The following MDK variants were observed in gnomAD, a reference collection of about 807,000 sequenced individuals.
MDK encodes the protein amphiregulin-associated protein.
In MDK, 17 loss-of-function variants were observed where a neutral mutation model predicts 18.9. The observed-to-expected ratio is 0.90, with a 90% CI of 0.62 to 1.35. MDK has a LOEUF of 1.35. Among genes scored for constraint, MDK ranks in the 40% most tolerant of loss-of-function variants. MDK has a pLI of 0.00. For synonymous variants in MDK, 86 were observed against 74.3 expected (o/e 1.16, Z -0.81); for missense variants, 180 against 186.3 (o/e 0.97, Z 0.20).
Position 46,383,601 on chromosome 11 carries a change from GT to G in MDK, c.*109del. 1 of 1,007,460 alleles carries G rather than the reference GT, an allele frequency of 9.9e-7. No individual in the cohort carries two copies. Among genetic ancestry groups the G allele is most frequent in the Non-Finnish European group, 1.6e-6 (1 of 636,718 alleles). 62.4% of individuals were successfully genotyped at this position (1,007,460 alleles called of 1,614,324 possible). ...ACCCACCAGTGCCTTCTGTCTGCTCGTTAGCTTTAATCAATCATGCCCTGCC... is the reference window on the plus strand; with the variant it reads ...ACCCACCAGTGCCTTCTGTCTGCTCGTAGCTTTAATCAATCATGCCCTGCC... On this transcript the variant is annotated 3_prime_UTR_variant, in exon 5 of 5. Coordinates refer to ENST00000395566, the MANE Select transcript of MDK (RefSeq NM_002391.6).
rs1565102311 is a variant in MDK at position 46,383,472 on chromosome 11, AGAAAGG to A, written c.414_419del (p.Gly141_Lys142del). 6.3e-7 allele frequency: 1 copy of A among 1,594,846 alleles called. No individual in the cohort carries two copies. Among genetic ancestry groups the A allele is most frequent in the Non-Finnish European group, 8.5e-7 (1 of 1,169,938 alleles). ...ATATTTCTTTCTTGTTTTACAGCCAAGAAAGGGAAGGGAAAGGACTAGACGCCAAGC... is the reference window on the plus strand; with the variant it reads ...ATATTTCTTTCTTGTTTTACAGCCAAGAAGGGAAAGGACTAGACGCCAAGC... On this transcript the variant is annotated inframe_deletion, in exon 5 of 5. Transcript: ENST00000395566.
chr11:46,381,932 C>T, intron 1 of MDK, 125 bp from the exon 2 acceptor site: 1 of 1,025,340 alleles, frequency 9.8e-7, no homozygotes, highest in African/African-American at 1.6e-5. Context: ...CTTCCCACCG[C>T]CGCCACCTTA....
chr11:46,383,131 A>G, intron 4 of MDK: 1 of 415,076 alleles, frequency 2.4e-6, no homozygotes. Context: ...TGGGCCTCTC[A>G]GCTCACTCGT....
rs1460761942 is a variant in MDK at position 46,381,725 on chromosome 11, C to T, written c.-35C>T. The T allele has an allele frequency of 1.2e-5, 2 of 171,598 alleles. No homozygotes were observed. Among genetic ancestry groups the T allele is most frequent in the African/African-American group, 5.2e-5 (2 of 38,288 alleles). The allele number at this position is 171,598 out of a possible 1,614,324, so 10.6% of individuals were successfully genotyped here. A position where few individuals can be genotyped will look rare whatever the true frequency, so the allele number is the denominator to read the frequency against. On this transcript the variant is annotated 5_prime_UTR_variant, in exon 1 of 5. Transcript: ENST00000395566. ...CGGCCGGAGCGGGACGGGCCCGGCG[C>T]GGGAGGGAGCGAAGCAGCGCGGGCA... is the stretch of plus-strand genomic sequence containing the variant.
chr11:46,383,239 A>G (rs1488159407), intron 4 of MDK: 2 of 499,494 alleles, frequency 4.0e-6, no homozygotes, highest in Non-Finnish European at 7.2e-6. Flanking sequence ...CAGGACTAGG[A>G]CTGGAAACTT....
Position 46,382,661 on chromosome 11 carries a change from C to G in MDK, c.319C>G (p.Leu107Val), listed in dbSNP as rs1407629235. ...AGGCACCAAAGTCCGCCAAGGCACC[C>G]TGAAGAAGGCGCGCTACAATGCTCA... is the stretch of plus-strand genomic sequence containing the variant. ...GTGTKVRQGT[L>V]KKARYNAQCQ... is the part of the protein sequence containing the mutation. The change falls in exon 4 of 5, where the codon CTG becomes GTG. Residue 107 changes from leucine (L) to valine (V), a missense_variant. Transcript: ENST00000395566. 60 of 1,613,166 alleles carry G rather than the reference C, an allele frequency of 3.7e-5. No homozygotes were observed. Among genetic ancestry groups the G allele is most frequent in the Non-Finnish European group, 5.0e-5 (59 of 1,179,914 alleles).
At position 46,381,749 on chromosome 11, in the gene MDK, C is replaced by T; in HGVS notation, c.-11C>T. On this transcript the variant is annotated 5_prime_UTR_variant, in exon 1 of 5. Transcript: ENST00000395566. ...GCGGGAGGGAGCGAAGCAGCGCGGG[C>T]AGCGAGCGAGTGAGCGCGCGGCGGC... 4.3e-6 allele frequency: 1 copy of T among 234,282 alleles called. No individual in the cohort carries two copies. 14.5% of individuals were successfully genotyped at this position (234,282 alleles called of 1,614,324 possible).
intron 2 of MDK, 75 bp downstream of exon 2, chr11:46,382,208 G>A (rs1215966276): frequency 6.2e-7 from 1 of 1,605,098 alleles, no homozygotes; most frequent in Admixed American, 1.7e-5. Context: ...GGCCGCCTGG[G>A]TTCCTAGCCT....
Position 46,383,554 on chromosome 11 carries a change from C to A in MDK, c.*60C>A. 6.6e-7 allele frequency: 1 copy of A among 1,516,358 alleles called. No homozygotes were observed. The highest frequency in any genetic ancestry group is 9.2e-7 in the Non-Finnish European group (1 of 1,092,388). The allele number at this position is 1,516,358 out of a possible 1,614,324, so 93.9% of individuals were successfully genotyped here. On this transcript the variant is annotated 3_prime_UTR_variant, in exon 5 of 5. Transcript: ENST00000395566. ...CACATGGGGCCTGGCCCACGCCCTCCCTCTCCCAGGCCCGAGATGTGACCC... is the reference window on the plus strand; with the variant it reads ...CACATGGGGCCTGGCCCACGCCCTCACTCTCCCAGGCCCGAGATGTGACCC...
At position 46,383,771 on chromosome 11, in the gene MDK, C is replaced by G; in HGVS notation, c.*277C>G. ...TCCCCACAATTCCATTACTAAGAAACACATCAAATAAACTGACTTTTTCCC... is the reference window on the plus strand; with the variant it reads ...TCCCCACAATTCCATTACTAAGAAAGACATCAAATAAACTGACTTTTTCCC... On this transcript the variant is annotated 3_prime_UTR_variant, in exon 5 of 5. Transcript: ENST00000395566. 1 of 554,050 alleles carries G rather than the reference C, an allele frequency of 1.8e-6. No individual in the cohort carries two copies. The highest frequency in any genetic ancestry group is 3.3e-6 in the Non-Finnish European group (1 of 299,538). The allele number at this position is 554,050 out of a possible 1,614,324, so 34.3% of individuals were successfully genotyped here. A position where few individuals can be genotyped will look rare whatever the true frequency, so the allele number is the denominator to read the frequency against.
At chr11:46,382,914 C>T (rs751047712) in intron 4 of MDK, 166 bp downstream of exon 4, 2 of 805,190 alleles carry the variant, frequency 2.5e-6, no homozygotes, top group Admixed American at 4.9e-5. Flanking sequence ...TGAAGATGGG[C>T]ACTACAAGAG....
chr11:46,382,141 G>T lies in MDK; in HGVS notation c.76+8G>T. Reference sequence around the variant, plus strand: ...CGGTCGCCAAAAAGAAAGGTGATGGGGGATGATCGAAGGAGGGCTGGGGAC... The same window carrying T: ...CGGTCGCCAAAAAGAAAGGTGATGGTGGATGATCGAAGGAGGGCTGGGGAC... On this transcript the variant is annotated splice_region_variant and intron_variant, in intron 2 of 4. Coordinates refer to ENST00000395566, the MANE Select transcript of MDK (RefSeq NM_002391.6). 6.2e-7 allele frequency: 1 copy of T among 1,611,016 alleles called. No individual in the cohort carries two copies. The highest frequency in any genetic ancestry group is 8.5e-7 in the Non-Finnish European group (1 of 1,179,160).
Position 46,382,086 on chromosome 11 carries a change from CCCT to C in MDK, c.34_36del (p.Leu12del). The C allele has an allele frequency of 1.9e-6, 3 of 1,610,374 alleles. No individual in the cohort carries two copies. Among genetic ancestry groups the C allele is most frequent in the Non-Finnish European group, 2.5e-6 (3 of 1,178,958 alleles). On this transcript the variant is annotated inframe_deletion, in exon 2 of 5. Coordinates refer to ENST00000395566, the MANE Select transcript of MDK (RefSeq NM_002391.6). ...CAGCACCGAGGCTTCCTCCTCCTCA[CCCT>C]CCTCGCCCTGCTGGCGCTCACCTCC... is the stretch of plus-strand genomic sequence containing the variant.
At chr11:46,381,952 C>T in intron 1 of MDK, 105 bp from the exon 2 acceptor site, 1 of 1,256,148 alleles carries the variant, frequency 8.0e-7, no homozygotes, top group Non-Finnish European at 1.1e-6. Context: ...AGCAGCCCGA[C>T]TTGGGGCCTG....
chr11:46,383,692 G>A lies in MDK; in HGVS notation c.*198G>A, dbSNP rs1469226552. 1 of 689,890 alleles carries A rather than the reference G, an allele frequency of 1.4e-6. No individual in the cohort carries two copies. Among genetic ancestry groups the A allele is most frequent in the Non-Finnish European group, 2.7e-6 (1 of 376,616 alleles). 42.7% of individuals were successfully genotyped at this position (689,890 alleles called of 1,614,324 possible). On this transcript the variant is annotated 3_prime_UTR_variant, in exon 5 of 5. Coordinates refer to ENST00000395566, the MANE Select transcript of MDK (RefSeq NM_002391.6). ...AAGTGGGGAGGGACAAGGGATTCTGGGAAGCTTGAGCCTCCCCCAAAGCAA... is the reference window on the plus strand; with the variant it reads ...AAGTGGGGAGGGACAAGGGATTCTGAGAAGCTTGAGCCTCCCCCAAAGCAA...
At chr11:46,382,793 C>A (rs1386092366) in intron 4 of MDK, 45 bp downstream of exon 4, 5 of 588,686 alleles carry the variant, frequency 8.5e-6, no homozygotes, top group South Asian at 3.0e-5. Flanking sequence ...GGGGGCTGCC[C>A]CCCCCCCCCC....
rs1173907661 is a variant in MDK, at chr11:46,382,500, C to A, written c.244+39C>A. On this transcript the variant is annotated intron_variant, in intron 3 of 4. Transcript: ENST00000395566. Reference sequence around the variant, plus strand: ...CAGTCAGAGGGCAGGAGACGGGGGGCACAGCCTCGCCGAAGCCTGGGCGGA... The same window carrying A: ...CAGTCAGAGGGCAGGAGACGGGGGGAACAGCCTCGCCGAAGCCTGGGCGGA... 4 of 1,530,770 alleles carry A rather than the reference C, an allele frequency of 2.6e-6. No homozygotes were observed. In the East Asian group the frequency reaches 9.5e-5, roughly 36 times the overall value. The allele number at this position is 1,530,770 out of a possible 1,614,324, so 94.8% of individuals were successfully genotyped here. A position where few individuals can be genotyped will look rare whatever the true frequency, so the allele number is the denominator to read the frequency against.
rs373752209 is a variant in MDK, at chr11:46,382,077, T to G, written c.20T>G (p.Leu7Arg). 8.1e-6 allele frequency: 13 copies of G among 1,609,488 alleles called. No individual in the cohort carries two copies. Among genetic ancestry groups the G allele is most frequent in the Non-Finnish European group, 1.1e-5 (13 of 1,178,664 alleles). Residue 7 changes from leucine to arginine, a missense_variant, in exon 2 of 5, where the codon CTC becomes CGC. Coordinates refer to ENST00000395566, the MANE Select transcript of MDK (RefSeq NM_002391.6). The part of the protein sequence containing the change: MQHRGF[L>R]LLTLLALLAL... Reference sequence around the variant, plus strand: ...CTCAGGATGCAGCACCGAGGCTTCCTCCTCCTCACCCTCCTCGCCCTGCTG... The same window carrying G: ...CTCAGGATGCAGCACCGAGGCTTCCGCCTCCTCACCCTCCTCGCCCTGCTG...
chr11:46,382,273 T>C, intron 2 of MDK, 21 bp from the exon 3 acceptor site: 1 of 1,606,456 alleles, frequency 6.2e-7, no homozygotes. Flanking sequence ...AGTCCTGAAC[T>C]CTGTTCCTCG....
Sources: allele counts gnomAD v4.1 joint callset, GRCh38; gene constraint gnomAD v4.1.1; transcripts MANE v1.5; gene names NCBI Gene and HGNC (gene_info 2026-07-23, HGNC 2026-07-21).